Variants in PDZRN4 observed in about 807,000 individuals in gnomAD.
PDZRN4 encodes the protein PDZ domain-containing RING finger protein 4.
A neutral mutation model predicts 99.0 loss-of-function variants in PDZRN4; 70 were observed. That is an observed-to-expected ratio of 0.71 (90% CI 0.58 to 0.86). The LOEUF (loss-of-function observed/expected upper bound fraction) is 0.86. Among genes scored for constraint, PDZRN4 ranks in the 40% least tolerant of loss-of-function variants. The probability of loss-of-function intolerance (pLI) is 0.00; values close to 1 mark genes in which losing one functional copy is unlikely to be tolerated. For synonymous variants in PDZRN4, 551 were observed against 501.6 expected (o/e 1.10, Z -1.32); for missense variants, 1,474 against 1,331.2 (o/e 1.11, Z -1.67).
intron 3 of PDZRN4, among the ~76,000 whole-genome samples, chr12:41,370,077 T>C (rs940941153): frequency 6.6e-6 from 1 of 151,998 alleles, no homozygotes; most frequent in Non-Finnish European, 1.5e-5. Context: ...TTCTATCTAT[T>C]AATTTCCCCC....
At chr12:41,481,033 T>C (rs908678233) in intron 3 of PDZRN4, among the ~76,000 whole-genome samples, 1 of 151,976 alleles carries the variant, frequency 6.6e-6, no homozygotes, top group African/African-American at 2.4e-5. Context: ...TCTGTATAAA[T>C]GAATTAAGCT....
At chr12:41,203,383 G>T (rs192654023) in intron 3 of PDZRN4, among the ~76,000 whole-genome samples, 1 of 152,072 alleles carries the variant, frequency 6.6e-6, no homozygotes, top group East Asian at 1.9e-4. Context: ...AGTCAGAGAG[G>T]GATTAGGAGG....
intron 3 of PDZRN4, among the ~76,000 whole-genome samples, chr12:41,304,227 C>T (rs1406193081): frequency 6.6e-6 from 1 of 152,120 alleles, no homozygotes; most frequent in African/African-American, 2.4e-5. Flanking sequence ...ATGCTTTAAT[C>T]ATTCACTAGC....
At chr12:41,340,025 CA>C (rs1000427702) in intron 3 of PDZRN4, among the ~76,000 whole-genome samples, 5 of 151,940 alleles carry the variant, frequency 3.3e-5, no homozygotes, top group Non-Finnish European at 7.4e-5. Flanking sequence ...GAAAGTTCCT[CA>C]AAAAACTAAA....
intron 3 of PDZRN4, among the ~76,000 whole-genome samples, chr12:41,306,328 G>A (rs1951569347): frequency 6.6e-6 from 1 of 152,192 alleles, no homozygotes; most frequent in Non-Finnish European, 1.5e-5. Flanking sequence ...TTGAAACTGA[G>A]GTAGTGGCCC....
At chr12:41,537,252 CTG>C (rs1216048166) in intron 5 of PDZRN4, among the ~76,000 whole-genome samples, 2 of 152,160 alleles carry the variant, frequency 1.3e-5, no homozygotes, top group African/African-American at 4.8e-5. Context: ...TAAAAGAAGA[CTG>C]TGGTAAACAC....
At chr12:41,568,954 A>T (rs1235544585) in intron 9 of PDZRN4, among the ~76,000 whole-genome samples, 1 of 146,108 alleles carries the variant, frequency 6.8e-6, no homozygotes, top group Non-Finnish European at 1.5e-5. Flanking sequence ...ACAGATGCCC[A>T]CCACCATGCC....
chr12:41,400,154 G>T (rs1024812053), intron 3 of PDZRN4, among the ~76,000 whole-genome samples: 7 of 152,122 alleles, frequency 4.6e-5, no homozygotes, highest in Non-Finnish European at 1.0e-4. Flanking sequence ...ACATCTCTTT[G>T]TTTCTTTATC....
intron 3 of PDZRN4, among the ~76,000 whole-genome samples, chr12:41,328,518 C>T (rs1442349152): frequency 6.6e-6 from 1 of 152,026 alleles, no homozygotes; most frequent in East Asian, 1.9e-4. Flanking sequence ...TGCTCTGTAT[C>T]TAAAACAAAT....
In PDZRN4 at chr12:41,489,508, G is replaced by A. The variant is rs1045125949; in HGVS notation, c.844-16948G>A. Among the ~76,000 whole-genome samples, 5 of 152,108 alleles carry A rather than the reference G, an allele frequency of 3.3e-5. No homozygotes were observed. The East Asian group carries it at 5.8e-4, about 18-fold the overall frequency. ...TTAGAGTAATCATGAGGGTAATGGA[G>A]CAGTAGATGAACTTACCTCTATGTT... On this transcript the variant is annotated intron_variant, in intron 3 of 9. Transcript: ENST00000402685.
Position 41,567,771 on chromosome 12 carries a change from A to G in PDZRN4, c.1468-12A>G. 1 of 1,555,722 alleles carries G rather than the reference A, an allele frequency of 6.4e-7. No individual in the cohort carries two copies. The highest frequency in any genetic ancestry group is 8.9e-7 in the Non-Finnish European group (1 of 1,129,060). On this transcript the variant is annotated splice_polypyrimidine_tract_variant and intron_variant, in intron 8 of 9. Transcript: ENST00000402685. ...CTAACATAATATAATGTACTAATGTATTCTTTTGCAGCTGGATGAAGGCTG... is the reference window on the plus strand; with the variant it reads ...CTAACATAATATAATGTACTAATGTGTTCTTTTGCAGCTGGATGAAGGCTG...
chr12:41,505,335 C>T (rs200469483), intron 3 of PDZRN4, among the ~76,000 whole-genome samples: 2 of 152,148 alleles, frequency 1.3e-5, no homozygotes, highest in East Asian at 3.9e-4. Flanking sequence ...TAGCTCTTCA[C>T]ATCTGCAAAA....
chr12:41,276,947 T>C (rs1951353538), intron 3 of PDZRN4, among the ~76,000 whole-genome samples: 1 of 152,158 alleles, frequency 6.6e-6, no homozygotes, highest in Non-Finnish European at 1.5e-5. Context: ...GTGACAAATG[T>C]ACCACACTAA....
At chr12:41,492,250 T>C (rs1442412370) in intron 3 of PDZRN4, among the ~76,000 whole-genome samples, 1 of 152,166 alleles carries the variant, frequency 6.6e-6, no homozygotes, top group Non-Finnish European at 1.5e-5. Context: ...TTATTTCTTT[T>C]ATATGTAAAA....
At chr12:41,482,603 A>T (rs1323917473) in intron 3 of PDZRN4, among the ~76,000 whole-genome samples, 1 of 152,156 alleles carries the variant, frequency 6.6e-6, no homozygotes, top group East Asian at 1.9e-4. Flanking sequence ...CATTTTACAG[A>T]TGAAGAAATT....
intron 3 of PDZRN4, among the ~76,000 whole-genome samples, chr12:41,422,916 C>T (rs1050217362): frequency 2.6e-5 from 4 of 152,132 alleles, no homozygotes; most frequent in Non-Finnish European, 4.4e-5. Flanking sequence ...ATCCAAGACA[C>T]TTGCAAAATG....
intron 3 of PDZRN4, among the ~76,000 whole-genome samples, chr12:41,485,219 T>C (rs2120611430): frequency 6.6e-6 from 1 of 152,280 alleles, no homozygotes; most frequent in Middle Eastern, 3.4e-3. Context: ...GGGAGGACTT[T>C]CAGGCACTGT....
At chr12:41,228,141 A>C (rs1951007435) in intron 3 of PDZRN4, among the ~76,000 whole-genome samples, 1 of 152,156 alleles carries the variant, frequency 6.6e-6, no homozygotes, top group Non-Finnish European at 1.5e-5. Context: ...ACTGAATGCC[A>C]CATCTACTTA....
At chr12:41,382,266 C>T (rs1489115673) in intron 3 of PDZRN4, among the ~76,000 whole-genome samples, 1 of 152,100 alleles carries the variant, frequency 6.6e-6, no homozygotes, top group Non-Finnish European at 1.5e-5. Context: ...AGTCTGGGCT[C>T]TATGATTGGT....
Sources: gnomAD v4.1 joint callset for allele counts (sites outside exome capture counted in the v4.1 genomes callset) on GRCh38, gnomAD v4.1.1 for gene constraint, MANE v1.5 for transcripts, NCBI Gene and HGNC (gene_info 2026-07-23, HGNC 2026-07-21) for gene names.